IPCEF1: variants seen among roughly 807,000 people sequenced by gnomAD.
IPCEF1 encodes interactor protein for cytohesin exchange factors 1.
In IPCEF1, 31 loss-of-function variants were observed where a neutral mutation model predicts 50.9. The ratio of observed to expected loss-of-function variants is 0.61; its 90% CI spans 0.46 to 0.82. The LOEUF is 0.82. Ranked by LOEUF, IPCEF1 falls within the 40% of genes least tolerant of loss-of-function variation. The pLI is 0.00. For missense variants in IPCEF1, 458 were observed against 514.0 expected (o/e 0.89, Z 1.05); for synonymous variants, 181 against 192.0 (o/e 0.94, Z 0.47).
chr6:154,240,045 C>T (rs1433346273), intron 5 of IPCEF1, among the ~76,000 whole-genome samples: 2 of 152,114 alleles, frequency 1.3e-5, no homozygotes, highest in African/African-American at 4.8e-5. Context: ...TTGGGATACG[C>T]TCAGAGGCTG....
intron 2 of IPCEF1, among the ~76,000 whole-genome samples, chr6:154,273,231 G>C (rs984189703): frequency 6.6e-6 from 1 of 152,156 alleles, no homozygotes; most frequent in Non-Finnish European, 1.5e-5. Flanking sequence ...TTTATACAAA[G>C]TCCACAAACA....
intron 2 of IPCEF1, among the ~76,000 whole-genome samples, chr6:154,269,381 T>C (rs1417628140): frequency 2.0e-5 from 3 of 152,196 alleles, no homozygotes; most frequent in African/African-American, 7.2e-5. Context: ...GGAGGTGGGA[T>C]GGGAGACAGC....
intron 5 of IPCEF1, among the ~76,000 whole-genome samples, chr6:154,224,919 T>C (rs992220839): frequency 6.6e-6 from 1 of 152,186 alleles, no homozygotes; most frequent in Non-Finnish European, 1.5e-5. Flanking sequence ...ATTCAAAGAA[T>C]ACAGACTAAG....
intron 2 of IPCEF1, among the ~76,000 whole-genome samples, chr6:154,268,889 C>T (rs1370615982): frequency 3.3e-5 from 5 of 152,194 alleles, no homozygotes; most frequent in Admixed American, 6.5e-5. Flanking sequence ...GTCACTCCAT[C>T]AAGAAAACCT....
rs991541058 is a variant in IPCEF1, at chr6:154,214,289, T to C, written c.393-13A>G. The C allele has an allele frequency of 3.8e-6, 6 of 1,598,114 alleles. No individual in the cohort carries two copies. The African/African-American group carries it at 6.7e-5, about 18-fold the overall frequency. On this transcript the variant is annotated splice_polypyrimidine_tract_variant and intron_variant, in intron 7 of 11. Transcript: ENST00000367220. ...TTTATTTAACCACCTAAAATTCAAATAGAAAGCAAATGTTGACCAAAGAGA... is the reference window on the plus strand; with the variant it reads ...TTTATTTAACCACCTAAAATTCAAACAGAAAGCAAATGTTGACCAAAGAGA...
At chr6:154,247,080 T>C (rs1781114440) in intron 4 of IPCEF1, 1 of 390,012 alleles carries the variant, frequency 2.6e-6, no homozygotes, top group Non-Finnish European at 4.6e-6. Flanking sequence ...CAAGAATAAG[T>C]TGAAAATAAT....
At position 154,223,182 on chromosome 6, in the gene IPCEF1, C is replaced by A. The variant is rs1371991845; in HGVS notation, c.308G>T (p.Cys103Phe). The A allele has an allele frequency of 1.2e-6, 2 of 1,613,436 alleles. No homozygotes were observed. The highest frequency in any genetic ancestry group is 1.7e-6 in the Non-Finnish European group (2 of 1,179,752). The change falls in exon 6 of 12, where the codon TGC (cysteine) becomes TTC (phenylalanine). Residue 103 changes from cysteine (C) to phenylalanine (F), a missense_variant. Coordinates refer to ENST00000367220, the MANE Select transcript of IPCEF1 (RefSeq NM_001130700.2). ...PDFTVERASE[C>F]KKKHAFKISH... is the part of the protein sequence containing the mutation. ...AGAGACAACTTACTGCTTTTTCTTG[C>A]ATTCAGATGCTCTTTCCACAGTGAA... is the stretch of plus-strand genomic sequence containing the variant.
chr6:154,328,514 C>A (rs1156835198), intron 1 of IPCEF1, among the ~76,000 whole-genome samples: 1 of 151,728 alleles, frequency 6.6e-6, no homozygotes, highest in Non-Finnish European at 1.5e-5. Flanking sequence ...CTAAGACAGG[C>A]AGATGACTTC....
At chr6:154,302,674 C>G (rs997803052) in intron 1 of IPCEF1, among the ~76,000 whole-genome samples, 1 of 152,068 alleles carries the variant, frequency 6.6e-6, no homozygotes, top group African/African-American at 2.4e-5. Context: ...AGGGCTTCAC[C>G]ATGTTGCCCA....
Position 154,286,735 on chromosome 6 carries a change from C to T in IPCEF1, c.-18+2978G>A, listed in dbSNP as rs115868342. On this transcript the variant is annotated intron_variant, in intron 2 of 11. Coordinates refer to ENST00000367220, the MANE Select transcript of IPCEF1 (RefSeq NM_001130700.2). ...CCACAATGTCAGTTTCAGTAGAAAG[C>T]GGTGAAGAGTCTGAACTTTGCCTTC... Among the ~76,000 whole-genome samples the T allele has an allele frequency of 4.8e-3, 727 of 152,294 alleles. 4 individuals carry two copies. Among genetic ancestry groups the T allele is most frequent in the African/African-American group, 0.017 (694 of 41,564 alleles).
At chr6:154,353,904 T>A (rs909517884) in intron 1 of IPCEF1, among the ~76,000 whole-genome samples, 2 of 152,238 alleles carry the variant, frequency 1.3e-5, no homozygotes, top group Non-Finnish European at 2.9e-5. Context: ...TCAACCATTC[T>A]GATAACTAGG....
At position 154,168,947 on chromosome 6, in the gene IPCEF1, A is replaced by G. The variant is rs1300758712; in HGVS notation, c.911-834T>C. ...GAGGGACACAATTCAACCCATACAT[A>G]GTCCACCCTCCGGCCTCCTAAATTC... is the stretch of plus-strand genomic sequence containing the variant. On this transcript the variant is annotated intron_variant, in intron 10 of 11. Transcript: ENST00000367220. This position sits in a 1 kb window ranked among gnomAD's most constrained non-coding sequence, Gnocchi z 4.1. Among the ~76,000 whole-genome samples, 1 of 152,116 alleles carries G rather than the reference A, an allele frequency of 6.6e-6. No individual in the cohort carries two copies. Among genetic ancestry groups the G allele is most frequent in the Non-Finnish European group, 1.5e-5 (1 of 68,012 alleles).
chr6:154,188,416 C>T lies in IPCEF1; in HGVS notation c.910+11252G>A, dbSNP rs144223948. 2.4e-3 allele frequency among the ~76,000 whole-genome samples: 358 copies of T among 152,238 alleles called. 3 individuals carry two copies. The highest frequency in any genetic ancestry group is 8.3e-3 in the African/African-American group (343 of 41,538). ...TGTACTGGAAAATTTTAGACCATAACGATTTCTGTTTCCCCCAGATTGAAT... is the reference window on the plus strand; with the variant it reads ...TGTACTGGAAAATTTTAGACCATAATGATTTCTGTTTCCCCCAGATTGAAT... On this transcript the variant is annotated intron_variant, in intron 10 of 11. Transcript: ENST00000367220.
At chr6:154,322,373 A>AACACACACATACAC (rs1554224663) in intron 1 of IPCEF1, among the ~76,000 whole-genome samples, 5 of 123,842 alleles carry the variant, frequency 4.0e-5, no homozygotes, top group African/African-American at 1.1e-4. Flanking sequence ...AAAAATTTTA[A>AACACACACATACAC]ACACACACAC....
At position 154,288,676 on chromosome 6, in the gene IPCEF1, CAAAAA is replaced by C. The variant is rs558703057; in HGVS notation, c.-18+1032_-18+1036del. ...GACTCTGTCTAAAAAACAAAAAAAA[CAAAAA>C]AAAAAAAAAAAAAAAAAAAAAAAAC... On this transcript the variant is annotated intron_variant, in intron 2 of 11. Transcript: ENST00000367220. Among the ~76,000 whole-genome samples, 300 of 46,920 alleles carry C rather than the reference CAAAAA, an allele frequency of 6.4e-3. 1 individual carries two copies. Among genetic ancestry groups the C allele is most frequent in the African/African-American group, 0.018 (283 of 15,906 alleles). 30.8% of individuals were successfully genotyped at this position (46,920 alleles called of 152,430 possible). A position where few individuals can be genotyped will look rare whatever the true frequency, so the allele number is the denominator to read the frequency against.
At chr6:154,241,590 C>T (rs961789446) in intron 5 of IPCEF1, among the ~76,000 whole-genome samples, 2 of 152,056 alleles carry the variant, frequency 1.3e-5, no homozygotes, top group Non-Finnish European at 2.9e-5. Context: ...TATATCCAAG[C>T]GTTCTTCATA....
At chr6:154,314,798 T>C (rs747646187) in intron 1 of IPCEF1, among the ~76,000 whole-genome samples, 2 of 151,934 alleles carry the variant, frequency 1.3e-5, no homozygotes, top group Non-Finnish European at 2.9e-5. Context: ...TCCCTAAAAA[T>C]CTCAGGGATA....
intron 1 of IPCEF1, among the ~76,000 whole-genome samples, chr6:154,351,562 G>A (rs1043961563): frequency 2.6e-5 from 4 of 152,218 alleles, no homozygotes; most frequent in African/African-American, 9.7e-5. Context: ...GCTCTGCTCA[G>A]ACTCGCCCTT....
At chr6:154,272,628 A>G (rs1399828101) in intron 2 of IPCEF1, among the ~76,000 whole-genome samples, 3 of 152,242 alleles carry the variant, frequency 2.0e-5, no homozygotes, top group African/African-American at 4.8e-5. Flanking sequence ...AATAAAGTCA[A>G]TTTCAAAGAA....
Sources: gnomAD v4.1 joint callset for allele counts (sites outside exome capture counted in the v4.1 genomes callset) on GRCh38, gnomAD v4.1.1 for gene constraint, Gnocchi (gnomAD v3.1) non-coding constraint, MANE v1.5 for transcripts, NCBI Gene and HGNC (gene_info 2026-07-23, HGNC 2026-07-21) for gene names.